Variants in WDR7 observed in about 807,000 individuals in gnomAD.
WDR7 encodes the protein WD repeat domain 7.
WDR7 carries 46 observed loss-of-function variants against 169.4 expected under a neutral mutation model. That is an observed-to-expected ratio of 0.27 (90% CI 0.21 to 0.35). The LOEUF (loss-of-function observed/expected upper bound fraction) is 0.35, where lower values mean the gene tolerates loss of function less well. Among genes scored for constraint, WDR7 ranks in the 10% least tolerant of loss-of-function variants. The probability of loss-of-function intolerance (pLI) is 1.00; values close to 1 mark genes in which losing one functional copy is unlikely to be tolerated. For missense variants in WDR7, 1,534 were observed against 1,859.3 expected (o/e 0.83, Z 3.22); for synonymous variants, 612 against 666.8 (o/e 0.92, Z 1.27).
At chr18:56,738,437 G>T (rs1204114827) in intron 14 of WDR7, among the ~76,000 whole-genome samples, 2 of 152,068 alleles carry the variant, frequency 1.3e-5, no homozygotes, top group Non-Finnish European at 2.9e-5. Flanking sequence ...ACACACCTGT[G>T]GTCCCAGCTG....
chr18:56,964,997 AG>A (rs2047387765), intron 26 of WDR7, among the ~76,000 whole-genome samples: 1 of 152,220 alleles, frequency 6.6e-6, no homozygotes, highest in Admixed American at 6.5e-5. Flanking sequence ...CAAGATTCAT[AG>A]TATGGGTAGC....
chr18:57,000,479 C>A lies in WDR7; in HGVS notation c.4165-20266C>A, dbSNP rs185158730. Among the ~76,000 whole-genome samples the A allele has an allele frequency of 2.1e-3, 327 of 152,124 alleles. 1 individual carries two copies. The highest frequency in any genetic ancestry group is 3.8e-3 in the Non-Finnish European group (256 of 67,974). On this transcript the variant is annotated intron_variant, in intron 26 of 27. Coordinates refer to ENST00000254442, the MANE Select transcript of WDR7 (RefSeq NM_015285.3). ...TTATTTTAGCTATATGTACCATATT[C>A]TGTAAAAAGATTTATTTTTTCTAAT...
chr18:56,738,863 T>G (rs184820946), intron 14 of WDR7, among the ~76,000 whole-genome samples: 214 of 149,454 alleles, frequency 1.4e-3, no homozygotes, highest in African/African-American at 5.1e-3. Flanking sequence ...GGAAACATTA[T>G]GATTCCTATC....
intron 26 of WDR7, among the ~76,000 whole-genome samples, chr18:57,010,498 T>G (rs1217356168): frequency 6.6e-6 from 1 of 152,228 alleles, no homozygotes; most frequent in African/African-American, 2.4e-5. Flanking sequence ...TTAATCATTA[T>G]TGAGTCTAAA....
chr18:56,960,311 C>T (rs1355367906), intron 25 of WDR7, among the ~76,000 whole-genome samples: 1 of 152,130 alleles, frequency 6.6e-6, no homozygotes, highest in Non-Finnish European at 1.5e-5. Flanking sequence ...AAAACCTCTT[C>T]AGATTCTAGT....
intron 21 of WDR7, among the ~76,000 whole-genome samples, chr18:56,904,544 T>C (rs1340297789): frequency 6.6e-6 from 1 of 152,190 alleles, no homozygotes; most frequent in South Asian, 2.1e-4. Flanking sequence ...ATACTCATGA[T>C]TTTTTATGTG....
intron 2 of WDR7, among the ~76,000 whole-genome samples, chr18:56,678,681 G>C (rs888103911): frequency 1.3e-5 from 2 of 152,124 alleles, no homozygotes; most frequent in African/African-American, 2.4e-5. Flanking sequence ...ATTTTTAGTA[G>C]AGATGGGGTT....
At chr18:56,987,492 A>G (rs987303613) in intron 26 of WDR7, among the ~76,000 whole-genome samples, 1 of 152,166 alleles carries the variant, frequency 6.6e-6, no homozygotes, top group African/African-American at 2.4e-5. Flanking sequence ...AGATGAGGAT[A>G]CTGTTATTTG....
chr18:56,976,115 A>G (rs1013320117), intron 26 of WDR7, among the ~76,000 whole-genome samples: 9 of 152,208 alleles, frequency 5.9e-5, no homozygotes, highest in African/African-American at 2.2e-4. Flanking sequence ...GGCTTTGGAA[A>G]TGATCCCAGC....
intron 20 of WDR7, among the ~76,000 whole-genome samples, chr18:56,844,063 A>G (rs1484538662): frequency 6.6e-6 from 1 of 151,516 alleles, no homozygotes; most frequent in East Asian, 1.9e-4. Flanking sequence ...GGGCTTCACC[A>G]TGTTGGTCAG....
chr18:56,885,458 G>A (rs930880944), intron 21 of WDR7, among the ~76,000 whole-genome samples: 7 of 152,022 alleles, frequency 4.6e-5, no homozygotes, highest in African/African-American at 1.7e-4. Flanking sequence ...CTTCTGGAAT[G>A]AAGGACATGC....
intron 26 of WDR7, among the ~76,000 whole-genome samples, chr18:56,982,030 A>G (rs1048344959): frequency 6.6e-6 from 1 of 151,848 alleles, no homozygotes; most frequent in Non-Finnish European, 1.5e-5. Flanking sequence ...CACATTGTAT[A>G]CTGATCAGTG....
chr18:56,932,467 C>T (rs6420544), intron 22 of WDR7, among the ~76,000 whole-genome samples: 18,087 of 152,230 alleles, frequency 0.12, 3,491 homozygotes, highest in African/African-American at 0.4. Flanking sequence ...CCCCCAAATT[C>T]ACAAGGCCAT....
At chr18:56,681,517 C>T in intron 4 of WDR7, 126 bp downstream of exon 4, 1 of 572,222 alleles carries the variant, frequency 1.7e-6, no homozygotes. Flanking sequence ...GACAAGAAAA[C>T]TAGAATTGAA....
At chr18:56,686,112 A>ATT in intron 6 of WDR7, 80 bp downstream of exon 6, 1 of 1,169,478 alleles carries the variant, frequency 8.6e-7, no homozygotes, top group Non-Finnish European at 1.2e-6. Flanking sequence ...TGCCCCTTCC[A>ATT]TTTTTTTTAA....
At chr18:56,913,886 G>A (rs369555162) in intron 21 of WDR7, among the ~76,000 whole-genome samples, 130 of 152,246 alleles carry the variant, frequency 8.5e-4, no homozygotes, top group Middle Eastern at 3.4e-3. Flanking sequence ...TGCCTGAGCC[G>A]TTGGGAGCCT....
chr18:56,740,974 C>A (rs1448866750), intron 14 of WDR7, among the ~76,000 whole-genome samples: 1 of 152,092 alleles, frequency 6.6e-6, no homozygotes, highest in Non-Finnish European at 1.5e-5. Flanking sequence ...GATGGTCCTA[C>A]TGCTTGCTTG....
At chr18:57,011,750 A>G (rs1281065370) in intron 26 of WDR7, among the ~76,000 whole-genome samples, 1 of 152,242 alleles carries the variant, frequency 6.6e-6, no homozygotes, top group African/African-American at 2.4e-5. Flanking sequence ...ATCTAGTCTT[A>G]TGTGCGTAGA....
intron 5 of WDR7, among the ~76,000 whole-genome samples, chr18:56,685,545 G>A (rs778359098): frequency 6.6e-6 from 1 of 152,112 alleles, no homozygotes; most frequent in Non-Finnish European, 1.5e-5. Context: ...GTGCAATGAA[G>A]TATCTGGAAG....
Sources: gnomAD v4.1 joint callset for allele counts (sites outside exome capture counted in the v4.1 genomes callset) on GRCh38, gnomAD v4.1.1 for gene constraint, MANE v1.5 for transcripts, NCBI Gene and HGNC (gene_info 2026-07-23, HGNC 2026-07-21) for gene names.